The following PDE3A variants were observed in gnomAD, a reference collection of about 807,000 sequenced individuals.
The protein encoded by PDE3A is phosphodiesterase 3A.
PDE3A carries 43 observed loss-of-function variants against 98.3 expected under a neutral mutation model. The observed-to-expected ratio is 0.44, with a 90% confidence interval of 0.34 to 0.56. The LOEUF (loss-of-function observed/expected upper bound fraction) is 0.56, where lower values mean the gene tolerates loss of function less well. Among genes scored for constraint, PDE3A ranks in the 20% least tolerant of loss-of-function variants. PDE3A has a pLI of 0.01. For missense variants in PDE3A, 1,427 were observed against 1,440.7 expected (o/e 0.99, Z 0.15); for synonymous variants, 663 against 567.9 (o/e 1.17, Z -2.38).
chr12:20,674,870 T>G (rs1592175046), intron 15 of PDE3A, among the ~76,000 whole-genome samples: 1 of 152,170 alleles, frequency 6.6e-6, no homozygotes, highest in Non-Finnish European at 1.5e-5. Flanking sequence ...CTTATTCATT[T>G]TGTTTATCTT....
At chr12:20,413,501 G>C (rs1013379094) in intron 1 of PDE3A, among the ~76,000 whole-genome samples, 3 of 152,118 alleles carry the variant, frequency 2.0e-5, no homozygotes, top group Admixed American at 6.6e-5. Flanking sequence ...TTCTCCTGTG[G>C]ACACCCCCTG....
intron 10 of PDE3A, among the ~76,000 whole-genome samples, chr12:20,643,314 A>AT (rs1300276559): frequency 1.3e-5 from 2 of 151,440 alleles, no homozygotes; most frequent in Non-Finnish European, 2.9e-5. Context: ...ATCTTTGAGC[A>AT]TTTTTATGTA....
intron 1 of PDE3A, among the ~76,000 whole-genome samples, chr12:20,477,046 T>C (rs1591971906): frequency 2.0e-5 from 3 of 152,294 alleles, no homozygotes; most frequent in South Asian, 4.1e-4. Flanking sequence ...TTAGTATAGA[T>C]GGGTTAATCC....
At chr12:20,580,368 T>C (rs1943035557) in intron 2 of PDE3A, among the ~76,000 whole-genome samples, 1 of 152,166 alleles carries the variant, frequency 6.6e-6, no homozygotes, top group African/African-American at 2.4e-5. Context: ...TGGTCTACTG[T>C]TGACTACAGT....
intron 1 of PDE3A, among the ~76,000 whole-genome samples, chr12:20,540,211 T>C (rs755221998): frequency 4.6e-5 from 7 of 152,134 alleles, no homozygotes; most frequent in Admixed American, 3.9e-4. Context: ...TGACCATCTT[T>C]CTCTTTCAAA....
At chr12:20,487,720 A>G (rs544227525) in intron 1 of PDE3A, among the ~76,000 whole-genome samples, 1 of 152,048 alleles carries the variant, frequency 6.6e-6, no homozygotes, top group East Asian at 1.9e-4. Flanking sequence ...TTGCATTCCA[A>G]TGGATACAAC....
intron 15 of PDE3A, among the ~76,000 whole-genome samples, chr12:20,658,626 T>A (rs1945093651): frequency 6.6e-6 from 1 of 152,184 alleles, no homozygotes; most frequent in East Asian, 1.9e-4. Context: ...GTTAGTATGA[T>A]TAAGCCACCT....
intron 1 of PDE3A, among the ~76,000 whole-genome samples, chr12:20,550,697 C>G (rs1361554202): frequency 6.6e-6 from 1 of 151,922 alleles, no homozygotes; most frequent in African/African-American, 2.4e-5. Flanking sequence ...ATGATAATTC[C>G]AAGGCTTAAA....
intron 2 of PDE3A, among the ~76,000 whole-genome samples, chr12:20,594,583 G>T (rs1313000888): frequency 1.3e-5 from 2 of 151,362 alleles, no homozygotes; most frequent in Non-Finnish European, 2.9e-5. Context: ...TGTGGGGTTA[G>T]AAAATGAGTA....
chr12:20,381,681 T>C (rs1943666467), intron 1 of PDE3A, among the ~76,000 whole-genome samples: 1 of 151,906 alleles, frequency 6.6e-6, no homozygotes. Flanking sequence ...TTAGCACATT[T>C]ATCATTTTCA....
rs111924764 is a variant in PDE3A, at chr12:20,519,128, T to C, written c.961-37532T>C. Among the ~76,000 whole-genome samples the C allele has an allele frequency of 2.7e-3, 416 of 152,300 alleles. 6 individuals carry two copies. Among genetic ancestry groups the C allele is most frequent in the Middle Eastern group, 0.01 (3 of 294 alleles). On this transcript the variant is annotated intron_variant, in intron 1 of 15. Coordinates refer to ENST00000359062, the MANE Select transcript of PDE3A (RefSeq NM_000921.5). ...GTTTATGTGACTAAATGTGGCTCCTTATGGAGGAGTTCTTTAACTTTGCCA... is the reference window on the plus strand; with the variant it reads ...GTTTATGTGACTAAATGTGGCTCCTCATGGAGGAGTTCTTTAACTTTGCCA...
chr12:20,648,633 ATT>A (rs1332030876), intron 12 of PDE3A, 53 bp from the exon 13 acceptor site: 1 of 1,122,076 alleles, frequency 8.9e-7, no homozygotes, highest in Admixed American at 1.7e-5. Flanking sequence ...TATTCTCATG[ATT>A]TTTGTGATTA....
intron 15 of PDE3A, among the ~76,000 whole-genome samples, chr12:20,665,987 C>T (rs117847456): frequency 0.042 from 5,671 of 134,128 alleles, 235 homozygotes; most frequent in African/African-American, 0.097. Context: ...TTTTTGAGAC[C>T]GAGTCTCAGT....
intron 1 of PDE3A, among the ~76,000 whole-genome samples, chr12:20,542,436 T>TACAC (rs57427303): frequency 1.7e-4 from 26 of 149,834 alleles, no homozygotes; most frequent in African/African-American, 5.6e-4. Flanking sequence ...CGTAACAGCA[T>TACAC]ACACACACAC....
intron 1 of PDE3A, among the ~76,000 whole-genome samples, chr12:20,490,336 T>C (rs1013233194): frequency 5.9e-5 from 9 of 152,210 alleles, no homozygotes. Flanking sequence ...CCTTGAATAT[T>C]TGGAAAGGAC....
chr12:20,460,317 T>C (rs922025598), intron 1 of PDE3A, among the ~76,000 whole-genome samples: 5 of 152,314 alleles, frequency 3.3e-5, no homozygotes, highest in South Asian at 2.1e-4. Context: ...ATTTTAGTAA[T>C]TTTCTTCTTT....
intron 1 of PDE3A, among the ~76,000 whole-genome samples, chr12:20,455,224 C>CT (rs895847367): frequency 6.6e-6 from 1 of 152,118 alleles, no homozygotes; most frequent in East Asian, 1.9e-4. Flanking sequence ...TCATGTTGAG[C>CT]TTTTTTTCAT....
chr12:20,370,066 A>G lies in PDE3A; in HGVS notation c.782A>G (p.Gln261Arg), dbSNP rs1943436924. 3.1e-6 allele frequency: 5 copies of G among 1,612,876 alleles called. No homozygotes were observed. The highest frequency in any genetic ancestry group is 4.2e-6 in the Non-Finnish European group (5 of 1,179,668). Residue 261 changes from glutamine to arginine, a missense_variant, in exon 1 of 16, where the codon CAG (glutamine) becomes CGG (arginine). This residue lies in a region of PDE3A where 1,012 missense variants were observed against 886.5 expected (regional missense o/e 1.14). Transcript: ENST00000359062. Reference sequence around the variant, plus strand: ...AGGTACGTGGAACAAATCTTGCCGCAGTCCGCGGAGGCGGCTCCAAGGGAG... The same window carrying G: ...AGGTACGTGGAACAAATCTTGCCGCGGTCCGCGGAGGCGGCTCCAAGGGAG... Reference protein sequence around the residue: ...LARYVEQILPQSAEAAPREHL... With the variant: ...LARYVEQILPRSAEAAPREHL...
chr12:20,646,572 G>A lies in PDE3A; in HGVS notation c.2334G>A (p.Val778=). 1 of 1,605,194 alleles carries A rather than the reference G, an allele frequency of 6.2e-7. No individual in the cohort carries two copies. The highest frequency in any genetic ancestry group is 8.5e-7 in the Non-Finnish European group (1 of 1,171,928). The change falls in exon 11 of 16, where the codon GTG becomes GTA. Residue 778 remains valine (V), a synonymous_variant. Coordinates refer to ENST00000359062, the MANE Select transcript of PDE3A (RefSeq NM_000921.5). ...TTQPIPGLST[V]INDHGSTSDS... Reference sequence around the variant, plus strand: ...AGCCTATTCCAGGCCTCTCAACTGTGATTAATGATCATGGTTCAACCAGTG... The same window carrying A: ...AGCCTATTCCAGGCCTCTCAACTGTAATTAATGATCATGGTTCAACCAGTG...
Sources: gnomAD v4.1 joint callset for allele counts (sites outside exome capture counted in the v4.1 genomes callset) on GRCh38, gnomAD v4.1.1 for gene constraint, gnomAD v4.1.1 regional missense constraint, MANE v1.5 for transcripts, NCBI Gene and HGNC (gene_info 2026-07-23, HGNC 2026-07-21) for gene names.